The following EYA4 variants were observed in gnomAD, a reference collection of about 807,000 sequenced individuals.
The protein encoded by EYA4 is EYA transcriptional coactivator and phosphatase 4.
EYA4 carries 31 observed loss-of-function variants against 87.9 expected under a neutral mutation model. The ratio of observed to expected loss-of-function variants is 0.35; its 90% confidence interval spans 0.27 to 0.48. The LOEUF (loss-of-function observed/expected upper bound fraction) is 0.48. EYA4 is among the 20% of genes least tolerant of loss of function. The pLI is 0.99. For missense variants in EYA4, 678 were observed against 761.4 expected (o/e 0.89, Z 1.29); for synonymous variants, 263 against 270.6 (o/e 0.97, Z 0.28).
Position 133,523,058 on chromosome 6 carries a change from G to GT in EYA4, c.1620dup (p.Asn541Ter). The GT allele has an allele frequency of 6.2e-7, 1 of 1,610,526 alleles. No homozygotes were observed. The highest frequency in any genetic ancestry group is 8.5e-7 in the Non-Finnish European group (1 of 1,177,032). On this transcript the variant is annotated frameshift_variant, in exon 18 of 20. Coordinates refer to ENST00000355286, the MANE Select transcript of EYA4 (RefSeq NM_004100.5). LOFTEE classifies it high-confidence loss of function. ...TGTATATTTCCTCCCTATTTTAGGA[G>GT]TAACTGCATAAATGTCTTGGTAACG...
intron 2 of EYA4, among the ~76,000 whole-genome samples, chr6:133,320,293 G>A (rs1426750514): frequency 6.6e-6 from 1 of 151,842 alleles, no homozygotes; most frequent in East Asian, 1.9e-4. Flanking sequence ...ACTTTTTAAA[G>A]ATGGATAAAT....
At chr6:133,300,512 GTTA>G (rs574500844) in intron 2 of EYA4, among the ~76,000 whole-genome samples, 5 of 151,462 alleles carry the variant, frequency 3.3e-5, no homozygotes, top group Non-Finnish European at 4.4e-5. Context: ...TATTGTTGTT[GTTA>G]TTATTATTAT....
At chr6:133,392,764 C>T (rs559771701) in intron 3 of EYA4, among the ~76,000 whole-genome samples, 2 of 152,288 alleles carry the variant, frequency 1.3e-5, no homozygotes, top group East Asian at 3.9e-4. Flanking sequence ...TTTCTGACAG[C>T]TTGCATTGTT....
chr6:133,501,354 T>A (rs1433889983), intron 13 of EYA4, among the ~76,000 whole-genome samples: 1 of 152,042 alleles, frequency 6.6e-6, no homozygotes, highest in Non-Finnish European at 1.5e-5. Context: ...GGCTTTGCTT[T>A]TTTGGTTATC....
intron 2 of EYA4, among the ~76,000 whole-genome samples, chr6:133,345,438 A>C (rs1783119974): frequency 6.6e-6 from 1 of 152,158 alleles, no homozygotes; most frequent in African/African-American, 2.4e-5. Context: ...AACAAGATTT[A>C]CTAAAATATT....
chr6:133,352,233 A>T (rs371722603), intron 2 of EYA4, among the ~76,000 whole-genome samples: 1 of 152,198 alleles, frequency 6.6e-6, no homozygotes, highest in Non-Finnish European at 1.5e-5. Flanking sequence ...TCTTGTGTAT[A>T]CAATGTGATT....
intron 2 of EYA4, among the ~76,000 whole-genome samples, chr6:133,328,687 A>G (rs1393085200): frequency 6.7e-6 from 1 of 149,188 alleles, no homozygotes; most frequent in Non-Finnish European, 1.5e-5. Flanking sequence ...TTTTGTATGG[A>G]TAGACAAATA....
intron 2 of EYA4, among the ~76,000 whole-genome samples, chr6:133,374,874 A>G (rs1231747412): frequency 3.9e-5 from 6 of 152,028 alleles, no homozygotes; most frequent in Non-Finnish European, 7.4e-5. Context: ...AAAGTTTTGT[A>G]TTATTTAATA....
intron 2 of EYA4, among the ~76,000 whole-genome samples, chr6:133,275,473 C>G (rs1033263651): frequency 6.6e-6 from 1 of 151,960 alleles, no homozygotes; most frequent in Non-Finnish European, 1.5e-5. Context: ...GTTTTGCATA[C>G]GGACAACTCA....
Position 133,509,530 on chromosome 6 carries a change from C to T in EYA4, c.1282-3191C>T, listed in dbSNP as rs966249183. On this transcript the variant is annotated intron_variant, in intron 14 of 19. Transcript: ENST00000355286. ...TACAAATTTAAATCCTCCTAATAGA[C>T]ACTTCACTGCATCCTGCCCAACTGC... 5.3e-5 allele frequency among the ~76,000 whole-genome samples: 8 copies of T among 152,236 alleles called. No individual in the cohort carries two copies. The East Asian group carries it at 1.5e-3, about 29-fold the overall frequency.
chr6:133,443,080 T>A (rs905495844), intron 3 of EYA4, among the ~76,000 whole-genome samples: 25 of 152,128 alleles, frequency 1.6e-4, no homozygotes, highest in African/African-American at 5.3e-4. Flanking sequence ...CATATTTTCT[T>A]TTCTTAAAAT....
intron 2 of EYA4, among the ~76,000 whole-genome samples, chr6:133,323,832 C>T (rs1219972297): frequency 6.6e-6 from 1 of 152,162 alleles, no homozygotes; most frequent in Non-Finnish European, 1.5e-5. Flanking sequence ...GAGTCCTGCT[C>T]TCAGATTACA....
chr6:133,473,344 G>T (rs138792785), intron 11 of EYA4, among the ~76,000 whole-genome samples: 1 of 151,984 alleles, frequency 6.6e-6, no homozygotes, highest in Non-Finnish European at 1.5e-5. Context: ...TGAGCTCTTT[G>T]CCCACCTTTG....
At chr6:133,262,683 C>T (rs962027006) in intron 1 of EYA4, among the ~76,000 whole-genome samples, 1 of 152,210 alleles carries the variant, frequency 6.6e-6, no homozygotes, top group Admixed American at 6.5e-5. Flanking sequence ...AAATGATTCT[C>T]ACAAAGTAGA....
At chr6:133,451,819 TG>T (rs1446884764) in intron 5 of EYA4, among the ~76,000 whole-genome samples, 1 of 152,220 alleles carries the variant, frequency 6.6e-6, no homozygotes, top group Non-Finnish European at 1.5e-5. Context: ...TCAGCTTTAG[TG>T]TTTTTTTCTA....
intron 3 of EYA4, among the ~76,000 whole-genome samples, chr6:133,395,796 C>T (rs1463198854): frequency 6.6e-6 from 1 of 152,134 alleles, no homozygotes; most frequent in African/African-American, 2.4e-5. Context: ...TCTAAGTTTG[C>T]TCTAACAAGT....
chr6:133,462,986 G>A (rs747347875), intron 9 of EYA4, among the ~76,000 whole-genome samples: 1 of 152,042 alleles, frequency 6.6e-6, no homozygotes, highest in Non-Finnish European at 1.5e-5. Context: ...TTTAAGCTGC[G>A]TAACATCAGC....
At chr6:133,468,876 C>A in intron 11 of EYA4, 145 bp downstream of exon 11, 2 of 818,486 alleles carry the variant, frequency 2.4e-6, no homozygotes, top group African/African-American at 1.7e-5. Flanking sequence ...CTGTGTAAGA[C>A]GAGGCTCTTC....
intron 2 of EYA4, among the ~76,000 whole-genome samples, chr6:133,318,959 T>C (rs1365400856): frequency 1.3e-5 from 2 of 152,194 alleles, no homozygotes; most frequent in Admixed American, 1.3e-4. Flanking sequence ...TGGAGTTGTG[T>C]CCAAGCAGTG....
Sources: gnomAD v4.1 joint callset for allele counts (sites outside exome capture counted in the v4.1 genomes callset) on GRCh38, gnomAD v4.1.1 for gene constraint, MANE v1.5 for transcripts, NCBI Gene and HGNC (gene_info 2026-07-23, HGNC 2026-07-21) for gene names.